Variants in ATAD3A observed in about 807,000 individuals in gnomAD.
ATAD3A encodes the protein ATPase family AAA domain-containing protein 3A.
ATAD3A carries 46 observed loss-of-function variants against 73.8 expected under a neutral mutation model. That is an observed-to-expected ratio of 0.62 (90% CI 0.49 to 0.80). The LOEUF (loss-of-function observed/expected upper bound fraction) is 0.80, where lower values mean the gene tolerates loss of function less well. Ranked by LOEUF, ATAD3A falls within the 30% of genes least tolerant of loss-of-function variation. ATAD3A has a pLI of 0.00. For synonymous variants in ATAD3A, 319 were observed against 350.0 expected (o/e 0.91, Z 0.99); for missense variants, 705 against 838.0 (o/e 0.84, Z 1.96).
At chr1:1,527,958 CT>C (rs376072450) in intron 14 of ATAD3A, 96 bp downstream of exon 14, 174,605 of 961,724 alleles carry the variant, frequency 0.18, 85 homozygotes, top group South Asian at 0.22. Context: ...TTTAACATTC[CT>C]TTTTTTTTTT....
rs1404363342 is a variant in ATAD3A at position 1,520,762 on chromosome 1, C to G, written c.750+145C>G. Reference sequence around the variant, plus strand: ...AGGAAGCCCACGTTGTACCTGCTGGCCTCGGCTTCTCCTCCCTTCTCAAGC... The same window carrying G: ...AGGAAGCCCACGTTGTACCTGCTGGGCTCGGCTTCTCCTCCCTTCTCAAGC... On this transcript the variant is annotated intron_variant, in intron 7 of 15. Transcript: ENST00000378756. The surrounding 1 kb of genome is among the most constrained non-coding windows in gnomAD (Gnocchi z 4.0). The G allele has an allele frequency of 3.8e-5, 51 of 1,326,610 alleles. No individual in the cohort carries two copies. Among genetic ancestry groups the G allele is most frequent in the Middle Eastern group, 2.3e-4 (1 of 4,430 alleles). 82.2% of individuals were successfully genotyped at this position (1,326,610 alleles called of 1,614,324 possible). A position where few individuals can be genotyped will look rare whatever the true frequency, so the allele number is the denominator to read the frequency against.
chr1:1,523,696 C>T lies in ATAD3A; in HGVS notation c.963+129C>T. 1.9e-6 allele frequency: 3 copies of T among 1,589,524 alleles called. No individual in the cohort carries two copies. The highest frequency in any genetic ancestry group is 2.6e-6 in the Non-Finnish European group (3 of 1,165,864). ...GGGTCCTGAGATGCGACTGCTTGGA[C>T]CGTGCTGGGGATAGATAGGCTGCCC... On this transcript the variant is annotated intron_variant, in intron 9 of 15. Coordinates refer to ENST00000378756, the MANE Select transcript of ATAD3A (RefSeq NM_001170535.3). The surrounding 1 kb of genome is among the most constrained non-coding windows in gnomAD (Gnocchi z 5.1).
Position 1,512,254 on chromosome 1 carries a change from G to A in ATAD3A, c.-15G>A. The A allele has an allele frequency of 1.2e-5, 15 of 1,275,354 alleles. No homozygotes were observed. The highest frequency in any genetic ancestry group is 1.5e-5 in the Non-Finnish European group (15 of 1,005,818). 79.0% of individuals were successfully genotyped at this position (1,275,354 alleles called of 1,614,324 possible). A position where few individuals can be genotyped will look rare whatever the true frequency, so the allele number is the denominator to read the frequency against. ...TGGGGGTCCCGGCGGCGGTAGCGGC[G>A]GCGGCGGTGCGAGCATGTCGTGGCT... On this transcript the variant is annotated 5_prime_UTR_variant, in exon 1 of 16. Coordinates refer to ENST00000378756, the MANE Select transcript of ATAD3A (RefSeq NM_001170535.3).
Position 1,519,018 on chromosome 1 carries a change from C to T in ATAD3A, c.514+28C>T, listed in dbSNP as rs201660634. The stretch of plus-strand genomic sequence containing the variant: ...AGGCTGTCTGCTCTCCTGGCTGGGG[C>T]GGAGGTGGCGGGGGCTGCTTGTGGA... On this transcript the variant is annotated intron_variant, in intron 5 of 15. Coordinates refer to ENST00000378756, the MANE Select transcript of ATAD3A (RefSeq NM_001170535.3). 3.7e-5 allele frequency: 60 copies of T among 1,613,944 alleles called. No individual in the cohort carries two copies. In the African/African-American group the frequency reaches 4.5e-4, roughly 12 times the overall value.
At chr1:1,514,390 G>A (rs1480201808) in intron 1 of ATAD3A, among the ~76,000 whole-genome samples, 2 of 152,240 alleles carry the variant, frequency 1.3e-5, no homozygotes, top group Non-Finnish European at 2.9e-5. Context: ...CAGAGTGAGA[G>A]TGGTTGAGAG....
Position 1,523,714 on chromosome 1 carries a change from G to C in ATAD3A, c.964-125G>C. On this transcript the variant is annotated intron_variant, in intron 9 of 15. Transcript: ENST00000378756. This position sits in a 1 kb window ranked among gnomAD's most constrained non-coding sequence, Gnocchi z 5.1. ...GCTTGGACCGTGCTGGGGATAGATA[G>C]GCTGCCCCTGAGGTGGGAGGCTTCC... 1 of 1,586,570 alleles carries C rather than the reference G, an allele frequency of 6.3e-7. No homozygotes were observed.
At chr1:1,524,022 A>C in intron 10 of ATAD3A, 58 bp downstream of exon 10, 4 of 1,611,948 alleles carry the variant, frequency 2.5e-6, no homozygotes, top group Non-Finnish European at 2.5e-6. Flanking sequence ...ACCTGCCTGC[A>C]GGTGTCTGGG....
intron 2 of ATAD3A, among the ~76,000 whole-genome samples, chr1:1,516,727 A>AT (rs1177132584): frequency 6.7e-6 from 1 of 150,242 alleles, no homozygotes; most frequent in Non-Finnish European, 1.5e-5. Flanking sequence ...TCATATTATT[A>AT]TTTTTTTATA....
intron 1 of ATAD3A, among the ~76,000 whole-genome samples, chr1:1,515,408 G>C (rs1236300989): frequency 6.6e-6 from 1 of 152,188 alleles, no homozygotes; most frequent in African/African-American, 2.4e-5. Flanking sequence ...TTTATGATGG[G>C]AAAACTGTCA....
chr1:1,523,620 G>C lies in ATAD3A; in HGVS notation c.963+53G>C, dbSNP rs1641688398. On this transcript the variant is annotated intron_variant, in intron 9 of 15. Coordinates refer to ENST00000378756, the MANE Select transcript of ATAD3A (RefSeq NM_001170535.3). This position sits in a 1 kb window ranked among gnomAD's most constrained non-coding sequence, Gnocchi z 5.1. Reference sequence around the variant, plus strand: ...GGCGCAGGGAGGGGACCCTGGAGCTGGGCCGGGCTGTGGCCCTTGCTGGCG... The same window carrying C: ...GGCGCAGGGAGGGGACCCTGGAGCTCGGCCGGGCTGTGGCCCTTGCTGGCG... 9 of 1,610,316 alleles carry C rather than the reference G, an allele frequency of 5.6e-6. No homozygotes were observed. In the African/African-American group the frequency reaches 8.0e-5, roughly 14 times the overall value.
intron 11 of ATAD3A, 72 bp from the exon 12 acceptor site, chr1:1,525,168 C>T: frequency 1.2e-6 from 2 of 1,602,156 alleles, no homozygotes; most frequent in East Asian, 2.2e-5. Flanking sequence ...CCTGCTCCTG[C>T]CGCGGCCGGA....
chr1:1,531,915 T>C (rs1466539348), intron 15 of ATAD3A, among the ~76,000 whole-genome samples: 4 of 150,854 alleles, frequency 2.7e-5, no homozygotes, highest in Admixed American at 2.6e-4. Context: ...CCTCCCAAAG[T>C]GCTGGGATTA....
intron 12 of ATAD3A, among the ~76,000 whole-genome samples, chr1:1,525,631 G>A (rs747846235): frequency 2.9e-4 from 44 of 152,064 alleles, no homozygotes; most frequent in Admixed American, 5.2e-4. Flanking sequence ...AGCCAGGATG[G>A]TCTCGATCTC....
chr1:1,518,385 CCACA>C (rs1557460248), intron 4 of ATAD3A, among the ~76,000 whole-genome samples: 1 of 147,038 alleles, frequency 6.8e-6, no homozygotes, highest in Non-Finnish European at 1.5e-5. Context: ...AGGCGCACAC[CCACA>C]CACACATGGG....
chr1:1,525,838 TGGGACTGCA>T (rs933252031), intron 12 of ATAD3A, among the ~76,000 whole-genome samples: 2 of 152,090 alleles, frequency 1.3e-5, no homozygotes, highest in African/African-American at 4.8e-5. Flanking sequence ...CCTGAGTAGC[TGGGACTGCA>T]GGGGCACAGT....
intron 4 of ATAD3A, among the ~76,000 whole-genome samples, 162 bp downstream of exon 4, chr1:1,517,937 G>A (rs1436666353): frequency 2.6e-5 from 4 of 151,986 alleles, no homozygotes; most frequent in African/African-American, 9.7e-5. Context: ...ACCAGCACAC[G>A]TGTACAGGCA....
In ATAD3A at chr1:1,520,652, C is replaced by T; in HGVS notation, c.750+35C>T. On this transcript the variant is annotated intron_variant, in intron 7 of 15. Transcript: ENST00000378756. The surrounding 1 kb of genome is among the most constrained non-coding windows in gnomAD (Gnocchi z 4.0). The stretch of plus-strand genomic sequence containing the variant: ...CTCATAAAACAGGGCTGGCAGGTGG[C>T]TGAGGGGCAGCATGTGGGGGCCTCC... The T allele has an allele frequency of 1.2e-6, 2 of 1,613,066 alleles. No individual in the cohort carries two copies. Among genetic ancestry groups the T allele is most frequent in the Non-Finnish European group, 8.5e-7 (1 of 1,179,832 alleles).
rs3128343 is a variant in ATAD3A at position 1,534,219 on chromosome 1, G to A, written c.*147G>A. Reference sequence around the variant, plus strand: ...TGTCCCCCAGGATGTCTTGTGGTGCGGGTCGGCCGTTCTGCCCCCCAGGGC... The same window carrying A: ...TGTCCCCCAGGATGTCTTGTGGTGCAGGTCGGCCGTTCTGCCCCCCAGGGC... On this transcript the variant is annotated 3_prime_UTR_variant, in exon 16 of 16. Coordinates refer to ENST00000378756, the MANE Select transcript of ATAD3A (RefSeq NM_001170535.3). The A allele has an allele frequency of 1.5e-5, 22 of 1,498,382 alleles. No homozygotes were observed. Among genetic ancestry groups the A allele is most frequent in the South Asian group, 2.7e-5 (2 of 75,018 alleles). 92.8% of individuals were successfully genotyped at this position (1,498,382 alleles called of 1,614,324 possible).
At chr1:1,526,410 G>A (rs767452750) in intron 12 of ATAD3A, 51 bp from the exon 13 acceptor site, 12 of 1,557,868 alleles carry the variant, frequency 7.7e-6, no homozygotes, top group Non-Finnish European at 1.0e-5. Context: ...TGCTGTGGCT[G>A]TTTACAAGGC....
Sources: allele counts gnomAD v4.1 joint callset (sites outside exome capture counted in the v4.1 genomes callset), GRCh38; gene constraint gnomAD v4.1.1; non-coding constraint Gnocchi (gnomAD v3.1); transcripts MANE v1.5; gene names NCBI Gene and HGNC (gene_info 2026-07-23, HGNC 2026-07-21).